The following EFCC1 variants were observed in gnomAD, a reference collection of about 807,000 sequenced individuals.
EFCC1 encodes EF-hand and coiled-coil domain containing 1, also known as EF-hand and coiled-coil domain-containing protein 1.
EFCC1 carries 50 observed loss-of-function variants against 52.1 expected under a neutral mutation model. The observed-to-expected ratio is 0.96, with a 90% CI of 0.76 to 1.21. The LOEUF (loss-of-function observed/expected upper bound fraction) is 1.21. Ranked by LOEUF, EFCC1 falls within the 50% of genes most tolerant of loss-of-function variation. The probability of loss-of-function intolerance (pLI) is 0.00; values close to 1 mark genes in which losing one functional copy is unlikely to be tolerated. For synonymous variants in EFCC1, 399 were observed against 396.5 expected, an observed-to-expected ratio of 1.01 and a Z score of -0.08; for missense variants, 837 against 867.3, an observed-to-expected ratio of 0.97 and a Z score of 0.44.
chr3:129,027,501 C>T (rs1041173643), intron 2 of EFCC1, among the ~76,000 whole-genome samples: 3 of 152,194 alleles, frequency 2.0e-5, no homozygotes, highest in African/African-American at 7.2e-5. Flanking sequence ...CGGGAGGCTC[C>T]CTGCCTGCCC....
Position 129,003,777 on chromosome 3 carries a change from C to A in EFCC1, c.697-17C>A, listed in dbSNP as rs1944919793. On this transcript the variant is annotated splice_polypyrimidine_tract_variant and intron_variant, in intron 1 of 7. Transcript: ENST00000683648. ...CTGGGGCACTTACCCCCTGCCCCTGCTGCCCTGTCCCCGCAGGTCGGACTC... is the reference window on the plus strand; with the variant it reads ...CTGGGGCACTTACCCCCTGCCCCTGATGCCCTGTCCCCGCAGGTCGGACTC... The A allele has an allele frequency of 7.0e-7, 1 of 1,421,316 alleles. No individual in the cohort carries two copies. The highest frequency in any genetic ancestry group is 9.2e-7 in the Non-Finnish European group (1 of 1,091,372). 88.0% of individuals were successfully genotyped at this position (1,421,316 alleles called of 1,614,324 possible).
chr3:129,005,875 G>T (rs910014304), intron 2 of EFCC1, among the ~76,000 whole-genome samples: 2 of 152,374 alleles, frequency 1.3e-5, no homozygotes, highest in Admixed American at 6.5e-5. Context: ...TTGGCTTGAG[G>T]CCCACATCCA....
At chr3:129,004,368 ACCCCC>A (rs1428229958) in intron 2 of EFCC1, among the ~76,000 whole-genome samples, 3 of 44,584 alleles carry the variant, frequency 6.7e-5, no homozygotes, top group Admixed American at 3.0e-4. Context: ...CCATTCACTC[ACCCCC>A]CCCACCCACC....
At chr3:129,034,912 C>G (rs1332630350) in intron 5 of EFCC1, among the ~76,000 whole-genome samples, 1 of 152,138 alleles carries the variant, frequency 6.6e-6, no homozygotes, top group Non-Finnish European at 1.5e-5. Context: ...TGAAGTGGAG[C>G]AGGGGCAGTT....
intron 2 of EFCC1, among the ~76,000 whole-genome samples, chr3:129,018,968 T>TA (rs1945710848): frequency 6.6e-6 from 1 of 152,172 alleles, no homozygotes; most frequent in Non-Finnish European, 1.5e-5. Flanking sequence ...GGGTGGACAC[T>TA]AGGCTGCCTC....
chr3:129,003,910 TG>T lies in EFCC1; in HGVS notation c.816del (p.Arg273GlyfsTer66). On this transcript the variant is annotated frameshift_variant, in exon 2 of 8. Coordinates refer to ENST00000683648, the MANE Select transcript of EFCC1 (RefSeq NM_001377500.1). LOFTEE classifies it high-confidence loss of function. ...CCCTGGCTGCGGCGGAGGCCCGCGC[TG>T]GGCGGCTGCGCCGTGGCCAGGCCGA... is the stretch of plus-strand genomic sequence containing the variant. ...GALAAAEARAGRLRRGQAEVR... is the reference protein window; with the variant it reads ...GALAAAEARAXRLRRGQAEVR... 1 of 1,351,874 alleles carries T rather than the reference TG, an allele frequency of 7.4e-7. No individual in the cohort carries two copies. Among genetic ancestry groups the T allele is most frequent in the Non-Finnish European group, 9.5e-7 (1 of 1,056,696 alleles). The allele number at this position is 1,351,874 out of a possible 1,614,324, so 83.7% of individuals were successfully genotyped here.
At chr3:129,018,174 A>T (rs2107903332) in intron 2 of EFCC1, among the ~76,000 whole-genome samples, 1 of 152,252 alleles carries the variant, frequency 6.6e-6, no homozygotes, top group South Asian at 2.1e-4. Context: ...TGGCCTTGGG[A>T]GTAAAGATGA....
At chr3:129,030,465 A>C in intron 2 of EFCC1, 1 of 358,364 alleles carries the variant, frequency 2.8e-6, no homozygotes, top group East Asian at 4.2e-5. Flanking sequence ...ATAAGGATGA[A>C]AATCCGTTGC....
Position 129,038,829 on chromosome 3 carries a change from AG to A in EFCC1, c.1594-1del. The stretch of plus-strand genomic sequence containing the variant: ...CCAGCCTTGTTTCCATTTCTTTTTA[AG>A]AACATATCGAAAAGAGCCCTGGGGA... On this transcript the variant is annotated splice_acceptor_variant, in intron 6 of 7. Coordinates refer to ENST00000683648, the MANE Select transcript of EFCC1 (RefSeq NM_001377500.1). LOFTEE classifies it high-confidence loss of function. 6.2e-7 allele frequency: 1 copy of A among 1,613,774 alleles called. No homozygotes were observed. The highest frequency in any genetic ancestry group is 8.5e-7 in the Non-Finnish European group (1 of 1,179,990).
intron 1 of EFCC1, 143 bp downstream of exon 1, chr3:129,002,467 A>C (rs6769662): frequency 0.6 from 813,210 of 1,366,310 alleles, 246,199 homozygotes; most frequent in African/African-American, 0.92. Context: ...CCGCATCAGC[A>C]CACTTGCATC....
intron 4 of EFCC1, 143 bp from the exon 5 acceptor site, chr3:129,034,021 T>C (rs755604553): frequency 8.6e-6 from 8 of 933,512 alleles, no homozygotes; most frequent in Non-Finnish European, 1.1e-5. Context: ...ATGGGGGCCA[T>C]GGGAGGGTAC....
At chr3:129,002,424 G>C in intron 1 of EFCC1, 100 bp downstream of exon 1, 1 of 1,418,746 alleles carries the variant, frequency 7.0e-7, no homozygotes, top group Non-Finnish European at 9.2e-7. Context: ...TCAGAGGAAG[G>C]GGAGACAGAG....
rs373177653 is a variant in EFCC1 at position 129,007,655 on chromosome 3, T to A, written c.980+3578T>A. ...CAAATAAGGAAATAGACCCTTGGGG[T>A]TGGGAGTGGTTTTACTAAAGTCACA... On this transcript the variant is annotated intron_variant, in intron 2 of 7. Coordinates refer to ENST00000683648, the MANE Select transcript of EFCC1 (RefSeq NM_001377500.1). 3.9e-5 allele frequency among the ~76,000 whole-genome samples: 6 copies of A among 152,238 alleles called. No homozygotes were observed. In the East Asian group the frequency reaches 7.7e-4, roughly 20 times the overall value.
chr3:129,008,193 G>C (rs947573891), intron 2 of EFCC1, among the ~76,000 whole-genome samples: 1 of 152,212 alleles, frequency 6.6e-6, no homozygotes, highest in Non-Finnish European at 1.5e-5. Flanking sequence ...CCATACCTGG[G>C]AACAAAACCC....
At chr3:129,003,343 C>A in intron 1 of EFCC1, 1 of 939,822 alleles carries the variant, frequency 1.1e-6, no homozygotes, top group Non-Finnish European at 1.3e-6. Context: ...TGGGAACACA[C>A]CAGTAAAGAC....
At chr3:129,028,889 C>T (rs1382224828) in intron 2 of EFCC1, among the ~76,000 whole-genome samples, 1 of 152,190 alleles carries the variant, frequency 6.6e-6, no homozygotes, top group East Asian at 1.9e-4. Flanking sequence ...GATCCACCCG[C>T]CTTGGCCTCC....
At chr3:129,022,032 G>A (rs892093491) in intron 2 of EFCC1, among the ~76,000 whole-genome samples, 3 of 152,202 alleles carry the variant, frequency 2.0e-5, no homozygotes, top group Non-Finnish European at 4.4e-5. Context: ...GGCAGGCGCA[G>A]AGCTCTGCTC....
intron 1 of EFCC1, among the ~76,000 whole-genome samples, chr3:129,002,980 C>T (rs1428833317): frequency 6.6e-6 from 1 of 152,142 alleles, no homozygotes; most frequent in African/African-American, 2.4e-5. Context: ...ATCTGGGAGC[C>T]GTCGACAAAC....
Position 129,014,387 on chromosome 3 carries a change from G to T in EFCC1, c.980+10310G>T, listed in dbSNP as rs545281596. Among the ~76,000 whole-genome samples, 13 of 152,176 alleles carry T rather than the reference G, an allele frequency of 8.5e-5. No individual in the cohort carries two copies. The highest frequency in any genetic ancestry group is 3.1e-4 in the African/African-American group (13 of 41,442). On this transcript the variant is annotated intron_variant, in intron 2 of 7. Coordinates refer to ENST00000683648, the MANE Select transcript of EFCC1 (RefSeq NM_001377500.1). The surrounding 1 kb of genome is among the most constrained non-coding windows in gnomAD (Gnocchi z 4.3). ...TGGAGGCTGACCAGAGTGCGGTGTCGCAGCGTTGGCTTCTCCTGCGGCCTC... is the reference window on the plus strand; with the variant it reads ...TGGAGGCTGACCAGAGTGCGGTGTCTCAGCGTTGGCTTCTCCTGCGGCCTC...
Sources: gnomAD v4.1 joint callset for allele counts (sites outside exome capture counted in the v4.1 genomes callset) on GRCh38, gnomAD v4.1.1 for gene constraint, Gnocchi (gnomAD v3.1) non-coding constraint, MANE v1.5 for transcripts, NCBI Gene and HGNC (gene_info 2026-07-23, HGNC 2026-07-21) for gene names.